KARS1: variants seen among roughly 807,000 people sequenced by gnomAD.
KARS1 encodes the protein lysyl-tRNA synthetase 1.
Under a neutral mutation model 63.9 loss-of-function variants are expected in KARS1, and 50 were observed. The observed-to-expected ratio is 0.78, with a 90% CI of 0.62 to 0.99. The LOEUF (loss-of-function observed/expected upper bound fraction) is 0.99. KARS1 is among the 50% of genes least tolerant of loss of function. KARS1 has a pLI of 0.00. For synonymous variants in KARS1, 320 were observed against 264.6 expected (o/e 1.21, Z -2.03); for missense variants, 816 against 754.5 (o/e 1.08, Z -0.95).
intron 7 of KARS1, among the ~76,000 whole-genome samples, chr16:75,632,663 G>T (rs2082125806): frequency 6.6e-6 from 1 of 152,016 alleles, no homozygotes; most frequent in African/African-American, 2.4e-5. Flanking sequence ...AAATACACTG[G>T]GTTCTCCATG....
chr16:75,638,231 ATTTTAC>A (rs1052405279), intron 3 of KARS1, among the ~76,000 whole-genome samples: 4 of 141,338 alleles, frequency 2.8e-5, no homozygotes, highest in Non-Finnish European at 4.7e-5. Flanking sequence ...TTTTTTTTTT[ATTTTAC>A]TTTAAGTTCT....
chr16:75,628,687 G>T lies in KARS1; in HGVS notation c.1577C>A (p.Ala526Asp), dbSNP rs1292907803. The T allele has an allele frequency of 6.2e-7, 1 of 1,614,200 alleles. No homozygotes were observed. Among genetic ancestry groups the T allele is most frequent in the Non-Finnish European group, 8.5e-7 (1 of 1,180,040 alleles). The change falls in exon 13 of 14, where the codon GCC (alanine) becomes GAC (aspartate). Residue 526 changes from alanine to aspartate, a missense_variant. Ala to Asp is a moderately radical substitution (Grantham distance 126). Coordinates refer to ENST00000302445, the MANE Select transcript of KARS1 (RefSeq NM_005548.3). The stretch of plus-strand genomic sequence containing the variant: ...ACAGAAGTTTTCATCTATGAACATG[G>T]CCTCATCATCACCTGCAGCCTTGGC... ...AKAKAAGDDE[A>D]MFIDENFCTA... is the part of the protein sequence containing the mutation.
chr16:75,629,651 G>A (rs2082090174), intron 11 of KARS1, 110 bp from the exon 12 acceptor site: 1 of 1,158,148 alleles, frequency 8.6e-7, no homozygotes, highest in Admixed American at 1.7e-5. Context: ...GCAGGCTGGA[G>A]TGCAGTGGTG....
intron 7 of KARS1, 25 bp downstream of exon 7, chr16:75,634,148 A>G (rs760113619): frequency 1.2e-6 from 2 of 1,609,062 alleles, no homozygotes; most frequent in African/African-American, 1.3e-5. Flanking sequence ...TCTTTAAGGG[A>G]AAAGGGTGTA....
intron 1 of KARS1, 145 bp downstream of exon 1, chr16:75,647,433 G>A (rs974209712): frequency 1.8e-5 from 14 of 797,672 alleles, no homozygotes; most frequent in Non-Finnish European, 3.0e-5. Flanking sequence ...GGTCTGCAGG[G>A]CGCAGCCACC....
Position 75,631,588 on chromosome 16 carries a change from C to A in KARS1, c.1080G>T (p.Gly360=), listed in dbSNP as rs113001454. 9.3e-6 allele frequency: 15 copies of A among 1,614,182 alleles called. No homozygotes were observed. The highest frequency in any genetic ancestry group is 5.3e-5 in the African/African-American group (4 of 75,040). ...AACTGCCTGTAATATGCTTCACCATCCCTGGGAGAGAAACCTGTTATTTAG... is the reference window on the plus strand; with the variant it reads ...AACTGCCTGTAATATGCTTCACCATACCTGGGAGAGAAACCTGTTATTTAG... The part of the protein sequence containing the change: ...LMEITEKMVS[G]MVKHITGSYK... The change falls in exon 9 of 14, where the codon GGG becomes GGT. Residue 360 remains glycine, a splice_region_variant and synonymous_variant. Transcript: ENST00000302445.
At chr16:75,647,524 C>T (rs1486290684) in intron 1 of KARS1, 54 bp downstream of exon 1, 5 of 1,552,858 alleles carry the variant, frequency 3.2e-6, no homozygotes, top group Non-Finnish European at 4.4e-6. Context: ...CGCGGCGCTT[C>T]CCAGCCCAGA....
chr16:75,646,539 T>TA (rs781087516), intron 1 of KARS1, among the ~76,000 whole-genome samples: 3,051 of 137,174 alleles, frequency 0.022, 46 homozygotes, highest in Admixed American at 0.059. Context: ...GACTCCATCT[T>TA]AAAAAAAAAA....
In KARS1 at chr16:75,636,008, G is replaced by T. The variant is rs746828939; in HGVS notation, c.573C>A (p.Thr191=). Residue 191 remains threonine (T), a synonymous_variant, in exon 5 of 14, where the codon ACC becomes ACA. Coordinates refer to ENST00000302445, the MANE Select transcript of KARS1 (RefSeq NM_005548.3). Reference sequence around the variant, plus strand: ...GAATGATGCTCAGCTCACCCTTCTTGGTTTTACCAGGATTCCCCTGAACTC... The same window carrying T: ...GAATGATGCTCAGCTCACCCTTCTTTGTTTTACCAGGATTCCCCTGAACTC... ...IIGVQGNPGK[T]KKGELSIIPY... is the part of the protein sequence containing the mutation. 6.2e-7 allele frequency: 1 copy of T among 1,613,572 alleles called. No homozygotes were observed. Among genetic ancestry groups the T allele is most frequent in the Non-Finnish European group, 8.5e-7 (1 of 1,179,534 alleles).
chr16:75,644,031 T>G (rs953261228), intron 1 of KARS1, among the ~76,000 whole-genome samples: 1 of 152,212 alleles, frequency 6.6e-6, no homozygotes, highest in Non-Finnish European at 1.5e-5. Context: ...CATTAGAAAT[T>G]ATTTGTTCAA....
chr16:75,628,469 A>G, intron 13 of KARS1, 100 bp downstream of exon 13: 1 of 1,383,114 alleles, frequency 7.2e-7, no homozygotes, highest in Non-Finnish European at 1.0e-6. Context: ...TTCCCAGCCC[A>G]AAGCCCTTCC....
At position 75,636,633 on chromosome 16, in the gene KARS1, T is replaced by TTTTTTTTTTG. The variant is rs1378966895; in HGVS notation, c.389-96_389-87dup. ...TGTCAAAAAAAAACTCCCTCTGCAT[T>TTTTTTTTTTG]TTTTTTTTTGTTTTTTTTGGGACAG... On this transcript the variant is annotated intron_variant, in intron 3 of 13. Coordinates refer to ENST00000302445, the MANE Select transcript of KARS1 (RefSeq NM_005548.3). The TTTTTTTTTTG allele has an allele frequency of 1.1e-5, 8 of 761,602 alleles. No individual in the cohort carries two copies. In the East Asian group the frequency reaches 1.4e-4, roughly 13 times the overall value. The allele number at this position is 761,602 out of a possible 1,614,324, so 47.2% of individuals were successfully genotyped here.
chr16:75,639,591 A>AG (rs1388456360), intron 3 of KARS1, among the ~76,000 whole-genome samples: 2 of 151,448 alleles, frequency 1.3e-5, no homozygotes, highest in Non-Finnish European at 2.9e-5. Flanking sequence ...AAAAAAAAAA[A>AG]AGATTTTAGT....
In KARS1 at chr16:75,636,055, G is replaced by C. The variant is rs148745967; in HGVS notation, c.526C>G (p.Leu176Val). Residue 176 changes from leucine (L) to valine (V), a missense_variant, in exon 5 of 14, where the codon CTG (leucine) becomes GTG (valine). Coordinates refer to ENST00000302445, the MANE Select transcript of KARS1 (RefSeq NM_005548.3). ...ACTCCAATTATGTCTCCCCGACGCA[G>C]TTTGTTATTAATATGAATAAATTCT... ...EEEFIHINNK[L>V]RRGDIIGVQG... is the part of the protein sequence containing the mutation. 2 of 1,605,678 alleles carry C rather than the reference G, an allele frequency of 1.2e-6. No individual in the cohort carries two copies. The highest frequency in any genetic ancestry group is 2.7e-5 in the African/African-American group (2 of 74,722).
intron 4 of KARS1, 50 bp downstream of exon 4, chr16:75,636,404 G>A (rs773337586): frequency 1.9e-5 from 22 of 1,147,274 alleles, no homozygotes; most frequent in Non-Finnish European, 1.5e-5. Flanking sequence ...CTATTGCTGT[G>A]TTGCTCTAGG....
chr16:75,627,966 G>C lies in KARS1; in HGVS notation c.1723C>G (p.Pro575Ala). The change falls in exon 14 of 14, where the codon CCC (proline) becomes GCC (alanine). Residue 575 changes from proline (P) to alanine (A), a missense_variant. By Grantham distance (27) the Pro-to-Ala change is conservative. Transcript: ENST00000302445. The stretch of plus-strand genomic sequence containing the variant: ...GCTACATTCTCCTTCTTGTCTTCGG[G>C]TTTCATGGCAGGAAACAGAAGTACT... The part of the protein sequence containing the change: ...KEVLLFPAMK[P>A]EDKKENVATT... 3 of 1,610,070 alleles carry C rather than the reference G, an allele frequency of 1.9e-6. No homozygotes were observed. Among genetic ancestry groups the C allele is most frequent in the Non-Finnish European group, 2.6e-6 (3 of 1,176,292 alleles).
intron 7 of KARS1, among the ~76,000 whole-genome samples, chr16:75,632,062 G>GTA (rs1597165692): frequency 1.3e-5 from 2 of 151,966 alleles, no homozygotes; most frequent in East Asian, 1.9e-4. Flanking sequence ...TAATTTTTTT[G>GTA]TATTTTTAGT....
chr16:75,628,601 C>A lies in KARS1; in HGVS notation c.1663G>T (p.Ala555Ser). The A allele has an allele frequency of 6.2e-7, 1 of 1,614,046 alleles. No homozygotes were observed. Among genetic ancestry groups the A allele is most frequent in the Non-Finnish European group, 8.5e-7 (1 of 1,180,014 alleles). Residue 555 changes from alanine to serine, a missense_variant, in exon 13 of 14, where the codon GCC becomes TCC. Coordinates refer to ENST00000302445, the MANE Select transcript of KARS1 (RefSeq NM_005548.3). ...TTGTTGGAGTCCGTGAGAAACATGG[C>A]GACTCGATCAATGCCCATGCCCCAG... ...AGWGMGIDRVAMFLTDSNNIK... is the reference protein window; with the variant it reads ...AGWGMGIDRVSMFLTDSNNIK...
At chr16:75,628,477 T>C in intron 13 of KARS1, 92 bp downstream of exon 13, 15 of 1,439,596 alleles carry the variant, frequency 1.0e-5, no homozygotes, top group Non-Finnish European at 1.5e-5. Flanking sequence ...CCAAAGCCCT[T>C]CCTTAATTTT....
Sources: gnomAD v4.1 joint callset for allele counts (sites outside exome capture counted in the v4.1 genomes callset) on GRCh38, gnomAD v4.1.1 for gene constraint, MANE v1.5 for transcripts, NCBI Gene and HGNC (gene_info 2026-07-23, HGNC 2026-07-21) for gene names.